The following MYH10 variants were observed in gnomAD, a reference collection of about 807,000 sequenced individuals.
MYH10 encodes myosin-10.
Under a neutral mutation model 257.8 loss-of-function variants are expected in MYH10, and 55 were observed. The ratio of observed to expected loss-of-function variants is 0.21; its 90% confidence interval spans 0.17 to 0.27. The LOEUF (loss-of-function observed/expected upper bound fraction) is 0.27, where lower values mean the gene tolerates loss of function less well. Ranked by LOEUF, MYH10 falls within the 10% of genes least tolerant of loss-of-function variation. The pLI is 1.00. For synonymous variants in MYH10, 854 were observed against 921.7 expected, an observed-to-expected ratio of 0.93 and a Z score of 1.33; for missense variants, 1,631 against 2,500.6, an observed-to-expected ratio of 0.65 and a Z score of 7.42.
intron 28 of MYH10, among the ~76,000 whole-genome samples, chr17:8,503,732 A>G (rs1597669262): frequency 6.6e-6 from 1 of 152,262 alleles, no homozygotes; most frequent in East Asian, 1.9e-4. Flanking sequence ...TTGCATTCAT[A>G]AACAATTCCC....
At chr17:8,488,661 G>A (rs1407778531) in intron 35 of MYH10, among the ~76,000 whole-genome samples, 2 of 152,162 alleles carry the variant, frequency 1.3e-5, no homozygotes. Flanking sequence ...ACCAAGGCTT[G>A]ACGGAGTGGT....
Position 8,627,340 on chromosome 17 carries a change from C to T in MYH10, c.-32+3314G>A, listed in dbSNP as rs567481456. The stretch of plus-strand genomic sequence containing the variant: ...ATTGATCAATATTTACGTGAATGGT[C>T]CCAACCCTCATAGTGAAATTCAACT... On this transcript the variant is annotated intron_variant, in intron 1 of 42. Transcript: ENST00000360416. 5.3e-5 allele frequency among the ~76,000 whole-genome samples: 8 copies of T among 152,244 alleles called. No individual in the cohort carries two copies. The East Asian group carries it at 1.2e-3, about 22-fold the overall frequency.
chr17:8,512,671 A>G lies in MYH10; in HGVS notation c.2746-14T>C, dbSNP rs1434442940. The G allele has an allele frequency of 1.2e-6, 2 of 1,605,818 alleles. No homozygotes were observed. Among genetic ancestry groups the G allele is most frequent in the East Asian group, 2.2e-5 (1 of 44,796 alleles). ...CTCTTCTAAAAGCTGCAATCACAATAAAGTGTCTGTGATTTGCCCCTATTA... is the reference window on the plus strand; with the variant it reads ...CTCTTCTAAAAGCTGCAATCACAATGAAGTGTCTGTGATTTGCCCCTATTA... On this transcript the variant is annotated splice_polypyrimidine_tract_variant and intron_variant, in intron 23 of 42. Coordinates refer to ENST00000360416, the MANE Select transcript of MYH10 (RefSeq NM_001256012.3).
In MYH10 at chr17:8,490,289, G is replaced by C. The variant is rs770790041; in HGVS notation, c.4884+51C>G. On this transcript the variant is annotated intron_variant, in intron 35 of 42. Coordinates refer to ENST00000360416, the MANE Select transcript of MYH10 (RefSeq NM_001256012.3). This position sits in a 1 kb window ranked among gnomAD's most constrained non-coding sequence, Gnocchi z 4.1. ...TGAACAGGATACTGACCCAGAGCTG[G>C]GCTTTGAGAGCCTGCACCCCTTGTT... is the stretch of plus-strand genomic sequence containing the variant. The C allele has an allele frequency of 1.1e-5, 17 of 1,546,184 alleles. No individual in the cohort carries two copies. Among genetic ancestry groups the C allele is most frequent in the Non-Finnish European group, 1.5e-5 (17 of 1,123,912 alleles).
intron 17 of MYH10, among the ~76,000 whole-genome samples, chr17:8,526,255 A>G (rs1384543422): frequency 6.6e-6 from 1 of 152,186 alleles, no homozygotes; most frequent in Non-Finnish European, 1.5e-5. Flanking sequence ...TTTTAAGAGT[A>G]TTTTCTTGTT....
Position 8,509,263 on chromosome 17 carries a change from G to A in MYH10, c.3090+549C>T, listed in dbSNP as rs149064381. 1.1e-3 allele frequency among the ~76,000 whole-genome samples: 165 copies of A among 152,338 alleles called. 1 individual carries two copies. The highest frequency in any genetic ancestry group is 1.8e-3 in the Non-Finnish European group (120 of 68,028). On this transcript the variant is annotated intron_variant, in intron 25 of 42. Coordinates refer to ENST00000360416, the MANE Select transcript of MYH10 (RefSeq NM_001256012.3). The stretch of plus-strand genomic sequence containing the variant: ...GGACAGTAACATGCTGTACAAGTGT[G>A]TGGCCTAGATGCAATCAGCCCAGCG...
At chr17:8,570,661 C>T (rs924675840) in intron 6 of MYH10, among the ~76,000 whole-genome samples, 3 of 151,978 alleles carry the variant, frequency 2.0e-5, no homozygotes, top group Non-Finnish European at 2.9e-5. Flanking sequence ...TTTAAAATAC[C>T]CACAGTATTT....
chr17:8,533,870 TAC>T (rs2151929937), intron 16 of MYH10, among the ~76,000 whole-genome samples: 1 of 152,328 alleles, frequency 6.6e-6, no homozygotes, highest in East Asian at 1.9e-4. Context: ...CTTTGTAACC[TAC>T]ACAGTCTCCA....
chr17:8,529,686 T>C (rs1229848720), intron 17 of MYH10, among the ~76,000 whole-genome samples: 2 of 152,250 alleles, frequency 1.3e-5, no homozygotes, highest in Non-Finnish European at 2.9e-5. Context: ...GCAGGAATTT[T>C]GAGTTGGATT....
In MYH10 at chr17:8,478,306, C is replaced by T. The variant is rs748013783; in HGVS notation, c.5706+32G>A. The T allele has an allele frequency of 2.6e-5, 41 of 1,575,588 alleles. 1 individual carries two copies. The highest frequency in any genetic ancestry group is 1.7e-4 in the Middle Eastern group (1 of 5,978). Reference sequence around the variant, plus strand: ...CATTCTCCACCAGTTCCTTTGCTCACGCGCTTCCCAGGGAGGCACTTCCTC... The same window carrying T: ...CATTCTCCACCAGTTCCTTTGCTCATGCGCTTCCCAGGGAGGCACTTCCTC... On this transcript the variant is annotated intron_variant, in intron 41 of 42. Transcript: ENST00000360416.
At chr17:8,610,592 G>A (rs1463485372) in intron 2 of MYH10, among the ~76,000 whole-genome samples, 1 of 152,162 alleles carries the variant, frequency 6.6e-6, no homozygotes, top group Non-Finnish European at 1.5e-5. Flanking sequence ...CTATTGAGAG[G>A]TGCTTAGATA....
chr17:8,601,058 A>ACTCT (rs1307252826), intron 3 of MYH10, among the ~76,000 whole-genome samples: 1 of 152,106 alleles, frequency 6.6e-6, no homozygotes, highest in African/African-American at 2.4e-5. Flanking sequence ...AAGATGGTGG[A>ACTCT]CTCTCATGTC....
In MYH10 at chr17:8,560,550, C is replaced by T. The variant is rs1241054144; in HGVS notation, c.757-6532G>A. On this transcript the variant is annotated intron_variant, in intron 7 of 42. Coordinates refer to ENST00000360416, the MANE Select transcript of MYH10 (RefSeq NM_001256012.3). Reference sequence around the variant, plus strand: ...CATGCAGCTCCTTCGAGCTGTTTGCCGACAAAGTTCCAAAAACAGTGGAAA... The same window carrying T: ...CATGCAGCTCCTTCGAGCTGTTTGCTGACAAAGTTCCAAAAACAGTGGAAA... The T allele has an allele frequency of 9.6e-6, 7 of 725,746 alleles. 1 individual carries two copies. Among genetic ancestry groups the T allele is most frequent in the East Asian group, 4.4e-5 (1 of 22,844 alleles). The allele number at this position is 725,746 out of a possible 1,614,324, so 45.0% of individuals were successfully genotyped here.
intron 17 of MYH10, among the ~76,000 whole-genome samples, chr17:8,528,243 G>A (rs75299004): frequency 1.0e-3 from 157 of 152,228 alleles, no homozygotes; most frequent in Non-Finnish European, 1.8e-3. Flanking sequence ...AACATGCTTT[G>A]GATCAGGTCT....
chr17:8,499,206 A>G, intron 30 of MYH10, 64 bp downstream of exon 30: 1 of 1,521,122 alleles, frequency 6.6e-7, no homozygotes, highest in Non-Finnish European at 9.0e-7. Context: ...GCACAGAGGG[A>G]TACAATGGTA....
At chr17:8,520,397 G>A (rs904812086) in intron 19 of MYH10, among the ~76,000 whole-genome samples, 3 of 152,276 alleles carry the variant, frequency 2.0e-5, no homozygotes, top group African/African-American at 4.8e-5. Flanking sequence ...TCAGGAGGCT[G>A]AGGCAGGAGA....
rs550150893 is a variant in MYH10 at position 8,597,108 on chromosome 17, G to C, written c.502+7718C>G. On this transcript the variant is annotated intron_variant, in intron 3 of 42. Coordinates refer to ENST00000360416, the MANE Select transcript of MYH10 (RefSeq NM_001256012.3). ...TGTAGGTGATTGCAAAACTACCCTA[G>C]TCCCCAAAATGGGAAAAATACTAAC... Among the ~76,000 whole-genome samples, 4 of 152,190 alleles carry C rather than the reference G, an allele frequency of 2.6e-5. No individual in the cohort carries two copies. The South Asian group carries it at 8.3e-4, about 32-fold the overall frequency.
chr17:8,600,111 C>T (rs1365400913), intron 3 of MYH10, among the ~76,000 whole-genome samples: 1 of 152,182 alleles, frequency 6.6e-6, no homozygotes, highest in East Asian at 1.9e-4. Flanking sequence ...TTATCTGTTC[C>T]ATTATGTGAG....
At chr17:8,512,691 C>A in intron 23 of MYH10, 34 bp from the exon 24 acceptor site, 1 of 1,564,290 alleles carries the variant, frequency 6.4e-7, no homozygotes, top group Non-Finnish European at 8.7e-7. Context: ...TGATTTGCCC[C>A]TATTACATAC....
Sources: allele counts gnomAD v4.1 joint callset (sites outside exome capture counted in the v4.1 genomes callset), GRCh38; gene constraint gnomAD v4.1.1; non-coding constraint Gnocchi (gnomAD v3.1); transcripts MANE v1.5; gene names NCBI Gene and HGNC (gene_info 2026-07-23, HGNC 2026-07-21).